The following SWT1 variants were observed in gnomAD, a reference collection of about 807,000 sequenced individuals.
SWT1 encodes SWT1 RNA endoribonuclease homolog, also known as transcriptional protein SWT1.
In SWT1, 33 loss-of-function variants were observed where a neutral mutation model predicts 107.3. The observed-to-expected ratio is 0.31, with a 90% CI of 0.23 to 0.41. The LOEUF (loss-of-function observed/expected upper bound fraction) is 0.41, where lower values mean the gene tolerates loss of function less well. Ranked by LOEUF, SWT1 falls within the 10% of genes least tolerant of loss-of-function variation. The probability of loss-of-function intolerance (pLI) is 1.00; values close to 1 mark genes in which losing one functional copy is unlikely to be tolerated. For synonymous variants in SWT1, 345 were observed against 348.3 expected (o/e 0.99, Z 0.11); for missense variants, 898 against 1,028.9 (o/e 0.87, Z 1.74).
At chr1:185,198,719 T>G (rs1657612385) in intron 10 of SWT1, among the ~76,000 whole-genome samples, 1 of 152,136 alleles carries the variant, frequency 6.6e-6, no homozygotes, top group African/African-American at 2.4e-5. Context: ...CTGTTTAAAG[T>G]CTGTTTTATC....
chr1:185,166,520 C>T (rs1054165745), intron 2 of SWT1, 52 bp from the exon 3 acceptor site: 17 of 1,191,378 alleles, frequency 1.4e-5, no homozygotes, highest in Non-Finnish European at 2.0e-5. Flanking sequence ...TCTGTTTATA[C>T]TATGCTTTAT....
chr1:185,282,148 G>A (rs1038568543), intron 18 of SWT1, among the ~76,000 whole-genome samples: 4 of 152,124 alleles, frequency 2.6e-5, no homozygotes, highest in Admixed American at 6.6e-5. Flanking sequence ...TTTCCCCACC[G>A]TAAAAGACTC....
At chr1:185,273,134 G>A (rs549959450) in intron 17 of SWT1, among the ~76,000 whole-genome samples, 2 of 152,234 alleles carry the variant, frequency 1.3e-5, no homozygotes, top group South Asian at 4.1e-4. Context: ...GCTGAGCGCC[G>A]TGGCTCACAG....
intron 16 of SWT1, among the ~76,000 whole-genome samples, chr1:185,268,635 C>T (rs562101725): frequency 1.3e-5 from 2 of 152,202 alleles, no homozygotes; most frequent in African/African-American, 4.8e-5. Flanking sequence ...ATTTACTCAT[C>T]AAATACACTG....
At chr1:185,195,371 G>A (rs1346513916) in intron 10 of SWT1, among the ~76,000 whole-genome samples, 1 of 152,124 alleles carries the variant, frequency 6.6e-6, no homozygotes, top group Non-Finnish European at 1.5e-5. Context: ...GTGTATATGT[G>A]CCACATTTTC....
chr1:185,204,501 A>T (rs1052665884), intron 11 of SWT1, among the ~76,000 whole-genome samples, 199 bp from the exon 12 acceptor site: 2 of 152,144 alleles, frequency 1.3e-5, no homozygotes, highest in Admixed American at 1.3e-4. Flanking sequence ...TTGTTAAAGT[A>T]ATATATTTAT....
At chr1:185,214,356 C>T (rs998344374) in intron 13 of SWT1, 151 bp from the exon 14 acceptor site, 7 of 475,220 alleles carry the variant, frequency 1.5e-5, no homozygotes, top group Admixed American at 4.2e-5. Flanking sequence ...TTAATTATTG[C>T]TTTTTGTACC....
intron 16 of SWT1, among the ~76,000 whole-genome samples, chr1:185,249,394 C>T (rs1661846569): frequency 6.6e-6 from 1 of 152,066 alleles, no homozygotes; most frequent in Admixed American, 6.6e-5. Context: ...CTCGTGTGGC[C>T]ATCTTGGAAA....
chr1:185,261,411 C>T (rs1663006942), intron 16 of SWT1, among the ~76,000 whole-genome samples: 1 of 152,090 alleles, frequency 6.6e-6, no homozygotes, highest in Admixed American at 6.6e-5. Context: ...CATCAGTGGA[C>T]CCTTAGTTTG....
At chr1:185,257,095 G>A (rs1662605745) in intron 16 of SWT1, among the ~76,000 whole-genome samples, 1 of 152,076 alleles carries the variant, frequency 6.6e-6, no homozygotes, top group South Asian at 2.1e-4. Context: ...GGCTGCTCGG[G>A]GGTCAGGTGT....
chr1:185,282,698 T>C (rs1348393304), intron 18 of SWT1, among the ~76,000 whole-genome samples: 1 of 152,066 alleles, frequency 6.6e-6, no homozygotes, highest in African/African-American at 2.4e-5. Flanking sequence ...TCTTGTTTGA[T>C]GAGCCCGCAA....
intron 10 of SWT1, among the ~76,000 whole-genome samples, chr1:185,200,673 G>T (rs146845228): frequency 0.035 from 5,403 of 152,266 alleles, 306 homozygotes; most frequent in African/African-American, 0.12. Flanking sequence ...TCTTCTGTAT[G>T]AGGTGTCTGT....
At chr1:185,157,392 G>T (rs1653685620) in intron 1 of SWT1, 78 bp downstream of exon 1, 1 of 152,658 alleles carries the variant, frequency 6.6e-6, no homozygotes, top group African/African-American at 2.4e-5. Flanking sequence ...CTGGCGGGCG[G>T]GCGGCCGGCC....
chr1:185,171,124 T>A (rs1378436965), intron 4 of SWT1, among the ~76,000 whole-genome samples: 1 of 151,900 alleles, frequency 6.6e-6, no homozygotes, highest in Non-Finnish European at 1.5e-5. Flanking sequence ...CTCCTTCTAT[T>A]CTGGTATTAC....
intron 4 of SWT1, among the ~76,000 whole-genome samples, chr1:185,169,357 A>G (rs1654853544): frequency 6.6e-6 from 1 of 150,682 alleles, no homozygotes; most frequent in East Asian, 1.9e-4. Flanking sequence ...TTAAGGACAC[A>G]TTTTTTGGCC....
At chr1:185,290,572 A>G (rs1665196282) in intron 18 of SWT1, 102 bp from the exon 19 acceptor site, 3 of 762,050 alleles carry the variant, frequency 3.9e-6, no homozygotes, top group Admixed American at 3.5e-5. Flanking sequence ...TAATATATAT[A>G]TATTTTTTAT....
chr1:185,282,101 G>A (rs1056641334), intron 18 of SWT1, among the ~76,000 whole-genome samples: 1 of 152,106 alleles, frequency 6.6e-6, no homozygotes, highest in African/African-American at 2.4e-5. Context: ...AACATTTTTG[G>A]TACTCATTCT....
At chr1:185,158,982 C>G (rs1177688718) in intron 1 of SWT1, among the ~76,000 whole-genome samples, 1 of 152,110 alleles carries the variant, frequency 6.6e-6, no homozygotes, top group African/African-American at 2.4e-5. Context: ...ACATGCCTGG[C>G]TGTTAGTTGG....
rs770330898 is a variant in SWT1 at position 185,174,817 on chromosome 1, C to A, written c.670C>A (p.Pro224Thr). 3.7e-6 allele frequency: 6 copies of A among 1,613,632 alleles called. No individual in the cohort carries two copies. Among genetic ancestry groups the A allele is most frequent in the Non-Finnish European group, 5.1e-6 (6 of 1,179,900 alleles). ...DYNSNKIIKE[P>T]LGSRRQKISF... The stretch of plus-strand genomic sequence containing the variant: ...TAACTCCAACAAGATAATTAAGGAA[C>A]CCTTGGGATCTAGAAGACAGAAGAT... The change falls in exon 5 of 19, where the codon CCC becomes ACC. Residue 224 changes from proline to threonine, a missense_variant. By Grantham distance (38) the Pro-to-Thr change is conservative. This residue lies in a region of SWT1 where 382 missense variants were observed against 362.4 expected (regional missense o/e 1.05). Transcript: ENST00000367500.
Sources: allele counts gnomAD v4.1 joint callset (sites outside exome capture counted in the v4.1 genomes callset), GRCh38; gene constraint gnomAD v4.1.1; regional missense constraint gnomAD v4.1.1; transcripts MANE v1.5; gene names NCBI Gene and HGNC (gene_info 2026-07-23, HGNC 2026-07-21).